The following GALNT2 variants were observed in gnomAD, a reference collection of about 807,000 sequenced individuals.
The protein encoded by GALNT2 is UDP-GalNAc:polypeptide N-acetylgalactosaminyltransferase 2.
In GALNT2, 31 loss-of-function variants were observed where a neutral mutation model predicts 81.4. The ratio of observed to expected loss-of-function variants is 0.38; its 90% CI spans 0.29 to 0.51. GALNT2 has a LOEUF of 0.51. Ranked by LOEUF, GALNT2 falls within the 20% of genes least tolerant of loss-of-function variation. The probability of loss-of-function intolerance (pLI) is 0.87; values close to 1 mark genes in which losing one functional copy is unlikely to be tolerated. For missense variants in GALNT2, 629 were observed against 765.7 expected, an observed-to-expected ratio of 0.82 and a Z score of 2.11; for synonymous variants, 303 against 287.4, an observed-to-expected ratio of 1.05 and a Z score of -0.55.
chr1:230,175,601 G>GTCCCCTCCTCGTCCTCC (rs1662948742), intron 1 of GALNT2, among the ~76,000 whole-genome samples: 3 of 72,878 alleles, frequency 4.1e-5, no homozygotes, highest in African/African-American at 2.2e-4. Flanking sequence ...TCCCCTCCTC[G>GTCCCCTCCTCGTCCTCC]TCCTCCTCCT....
At chr1:230,223,307 A>G (rs1157506970) in intron 3 of GALNT2, among the ~76,000 whole-genome samples, 1 of 145,176 alleles carries the variant, frequency 6.9e-6, no homozygotes, top group East Asian at 2.1e-4. Context: ...CTCCTACTTT[A>G]TTTCACTTAC....
chr1:230,146,881 G>T (rs1207746326), intron 1 of GALNT2, among the ~76,000 whole-genome samples: 2 of 152,144 alleles, frequency 1.3e-5, no homozygotes, highest in African/African-American at 4.8e-5. Context: ...AACCACGCAG[G>T]GTCCTGTATG....
intron 1 of GALNT2, among the ~76,000 whole-genome samples, chr1:230,120,477 T>TC (rs764356117): frequency 2.9e-4 from 44 of 152,060 alleles, no homozygotes; most frequent in Admixed American, 7.9e-4. Context: ...TCTTGGTACC[T>TC]CCACACATCC....
chr1:230,233,237 A>G (rs1398868885), intron 3 of GALNT2, among the ~76,000 whole-genome samples: 1 of 152,160 alleles, frequency 6.6e-6, no homozygotes, highest in African/African-American at 2.4e-5. Context: ...TCCTTCGTCC[A>G]CTGATTTCCC....
intron 2 of GALNT2, among the ~76,000 whole-genome samples, chr1:230,197,590 C>A (rs1663739688): frequency 6.6e-6 from 1 of 152,166 alleles, no homozygotes; most frequent in African/African-American, 2.4e-5. Flanking sequence ...CTGTAAATAT[C>A]AGTTAATTTT....
intron 1 of GALNT2, among the ~76,000 whole-genome samples, chr1:230,128,183 G>T (rs1228373900): frequency 6.6e-6 from 1 of 152,098 alleles, no homozygotes; most frequent in Non-Finnish European, 1.5e-5. Context: ...GGGGCCATCT[G>T]TCCTATAGCA....
intron 1 of GALNT2, among the ~76,000 whole-genome samples, chr1:230,096,111 C>A (rs1453909089): frequency 6.6e-6 from 1 of 152,196 alleles, no homozygotes; most frequent in African/African-American, 2.4e-5. Context: ...ACTTTTCTAA[C>A]CCAGCCGGGC....
chr1:230,101,067 T>A (rs182613111), intron 1 of GALNT2, among the ~76,000 whole-genome samples: 2 of 152,354 alleles, frequency 1.3e-5, no homozygotes, highest in Admixed American at 1.3e-4. Flanking sequence ...CAGTAGGCTG[T>A]ACCATCTAGC....
chr1:230,178,109 A>C, intron 1 of GALNT2, 109 bp from the exon 2 acceptor site: 3 of 765,374 alleles, frequency 3.9e-6, no homozygotes, highest in Admixed American at 5.3e-5. Flanking sequence ...TCATCAGTGC[A>C]TCCCCAGGGC....
intron 1 of GALNT2, among the ~76,000 whole-genome samples, chr1:230,152,612 T>C (rs1409657652): frequency 2.0e-5 from 3 of 152,172 alleles, no homozygotes; most frequent in African/African-American, 7.2e-5. Context: ...TTTGTTACTA[T>C]GGGTTTTGGC....
At chr1:230,102,368 T>C (rs1660427478) in intron 1 of GALNT2, among the ~76,000 whole-genome samples, 1 of 152,148 alleles carries the variant, frequency 6.6e-6, no homozygotes, top group Non-Finnish European at 1.5e-5. Context: ...GAGCTTCTGC[T>C]TGAGACAGCA....
chr1:230,124,268 G>C (rs1405579233), intron 1 of GALNT2, among the ~76,000 whole-genome samples: 1 of 152,268 alleles, frequency 6.6e-6, no homozygotes, highest in Non-Finnish European at 1.5e-5. Flanking sequence ...TGTAGACATG[G>C]AGACAGCAGA....
chr1:230,155,660 T>C (rs1662228010), intron 1 of GALNT2, among the ~76,000 whole-genome samples: 1 of 152,138 alleles, frequency 6.6e-6, no homozygotes. Context: ...TTTTGTCATT[T>C]GAAGACCATT....
chr1:230,234,722 G>A (rs1212652902), intron 3 of GALNT2, among the ~76,000 whole-genome samples: 1 of 152,206 alleles, frequency 6.6e-6, no homozygotes, highest in African/African-American at 2.4e-5. Context: ...CTCGTGGGCT[G>A]TCAGTCCTGC....
chr1:230,105,535 C>T (rs576800550), intron 1 of GALNT2, among the ~76,000 whole-genome samples: 3 of 152,248 alleles, frequency 2.0e-5, no homozygotes, highest in East Asian at 3.9e-4. Flanking sequence ...AGTTGATGGT[C>T]CCTGCGGTTC....
At chr1:230,221,053 A>T (rs963752095) in intron 3 of GALNT2, among the ~76,000 whole-genome samples, 3 of 152,224 alleles carry the variant, frequency 2.0e-5, no homozygotes, top group Non-Finnish European at 2.9e-5. Flanking sequence ...TGAAAGCTTC[A>T]CATTGTCTCT....
rs58544942 is a variant in GALNT2 at position 230,252,843 on chromosome 1, C to CTTTTTTT, written c.1009+2299_1009+2305dup. On this transcript the variant is annotated intron_variant, in intron 10 of 15. Coordinates refer to ENST00000366672, the MANE Select transcript of GALNT2 (RefSeq NM_004481.5). ...TTATTTTCTGAAATAGAGACAACTT[C>CTTTTTTT]TTTTTTTTTTTTTTTTTTTTTTGAG... Among the ~76,000 whole-genome samples the CTTTTTTT allele has an allele frequency of 3.9e-3, 311 of 78,942 alleles. 30 individuals are homozygous for CTTTTTTT. Among genetic ancestry groups the CTTTTTTT allele is most frequent in the East Asian group, 0.016 (36 of 2,290 alleles). 51.8% of individuals were successfully genotyped at this position (78,942 alleles called of 152,430 possible).
chr1:230,163,309 T>C (rs917414101), intron 1 of GALNT2, among the ~76,000 whole-genome samples: 1 of 152,244 alleles, frequency 6.6e-6, no homozygotes, highest in Admixed American at 6.5e-5. Context: ...TGGCCACTCC[T>C]GAATTCCATG....
In GALNT2 at chr1:230,083,347, G is replaced by A. The variant is rs548148553; in HGVS notation, c.126+15941G>A. Among the ~76,000 whole-genome samples the A allele has an allele frequency of 1.1e-3, 166 of 148,364 alleles. 1 individual carries two copies. Among genetic ancestry groups the A allele is most frequent in the Admixed American group, 3.2e-3 (48 of 14,864 alleles). ...CGAGGATGATGGAGCAGGGGAGCCGGGATGAGGGAGCAGGCAGCTGGGATG... is the reference window on the plus strand; with the variant it reads ...CGAGGATGATGGAGCAGGGGAGCCGAGATGAGGGAGCAGGCAGCTGGGATG... On this transcript the variant is annotated intron_variant, in intron 1 of 15. Coordinates refer to ENST00000366672, the MANE Select transcript of GALNT2 (RefSeq NM_004481.5).
Sources: allele counts gnomAD v4.1 joint callset (sites outside exome capture counted in the v4.1 genomes callset), GRCh38; gene constraint gnomAD v4.1.1; transcripts MANE v1.5; gene names NCBI Gene and HGNC (gene_info 2026-07-23, HGNC 2026-07-21).